The following SLC17A8 variants were observed in gnomAD, a reference collection of about 807,000 sequenced individuals.
SLC17A8 encodes solute carrier family 17 member 8.
Under a neutral mutation model 58.0 loss-of-function variants are expected in SLC17A8, and 31 were observed. The ratio of observed to expected loss-of-function variants is 0.53; its 90% CI spans 0.40 to 0.72. SLC17A8 has a LOEUF of 0.72. Ranked by LOEUF, SLC17A8 falls within the 30% of genes least tolerant of loss-of-function variation. The probability of loss-of-function intolerance (pLI) is 0.00; values close to 1 mark genes in which losing one functional copy is unlikely to be tolerated. For missense variants in SLC17A8, 655 were observed against 727.8 expected (o/e 0.90, Z 1.15); for synonymous variants, 228 against 249.0 (o/e 0.92, Z 0.79).
At chr12:100,400,245 C>A (rs1566399641) in intron 5 of SLC17A8, among the ~76,000 whole-genome samples, 1 of 152,140 alleles carries the variant, frequency 6.6e-6, no homozygotes, top group Non-Finnish European at 1.5e-5. Context: ...CCACGCACAG[C>A]AGAATGAGAC....
At chr12:100,408,981 AATT>A (rs1242799202) in intron 9 of SLC17A8, among the ~76,000 whole-genome samples, 1 of 152,192 alleles carries the variant, frequency 6.6e-6, no homozygotes, top group African/African-American at 2.4e-5. Context: ...CATTTAAAAC[AATT>A]ATTAGTTCTT....
chr12:100,373,529 T>C (rs978807938), intron 1 of SLC17A8, among the ~76,000 whole-genome samples: 16 of 150,852 alleles, frequency 1.1e-4, no homozygotes, highest in Admixed American at 2.0e-4. Context: ...TTGGAAATGG[T>C]CCTGGGATCA....
chr12:100,418,211 A>G, intron 11 of SLC17A8, 55 bp downstream of exon 11: 1 of 1,611,436 alleles, frequency 6.2e-7, no homozygotes, highest in Non-Finnish European at 8.5e-7. Context: ...GGAGCTCTAC[A>G]CAAACTTGAG....
intron 1 of SLC17A8, among the ~76,000 whole-genome samples, chr12:100,376,921 T>G (rs143785905): frequency 0.01 from 1,537 of 152,262 alleles, 27 homozygotes; most frequent in African/African-American, 0.035. Context: ...GTGATTCTCA[T>G]GCCTCAGCCT....
At chr12:100,373,475 C>T (rs1321399113) in intron 1 of SLC17A8, among the ~76,000 whole-genome samples, 2 of 151,568 alleles carry the variant, frequency 1.3e-5, no homozygotes, top group Non-Finnish European at 1.5e-5. Flanking sequence ...GACAAGGATT[C>T]ATTGCTTCCA....
chr12:100,402,418 A>G lies in SLC17A8; in HGVS notation c.842A>G (p.Asn281Ser), dbSNP rs1952797971. The G allele has an allele frequency of 6.2e-7, 1 of 1,614,168 alleles. No individual in the cohort carries two copies. The highest frequency in any genetic ancestry group is 1.7e-5 in the Admixed American group (1 of 60,022). ...ECPAAHPTIS[N>S]EEKTYIETSI... ...CCAGCAGCTCATCCAACAATATCCA[A>G]TGAGGAGAAGACCTATATAGAGACA... is the stretch of plus-strand genomic sequence containing the variant. The change falls in exon 7 of 12, where the codon AAT (asparagine) becomes AGT (serine). Residue 281 changes from asparagine (N) to serine (S), a missense_variant. Asn to Ser is a conservative substitution (Grantham distance 46). Transcript: ENST00000323346.
intron 1 of SLC17A8, among the ~76,000 whole-genome samples, chr12:100,364,463 G>A (rs1035215206): frequency 3.3e-5 from 5 of 152,292 alleles, no homozygotes; most frequent in African/African-American, 1.2e-4. Context: ...GCTCAGTCCT[G>A]GTGAGTGGGA....
chr12:100,373,731 C>G (rs1196433089), intron 1 of SLC17A8, among the ~76,000 whole-genome samples: 1 of 151,926 alleles, frequency 6.6e-6, no homozygotes, highest in Non-Finnish European at 1.5e-5. Context: ...ATTACAGGTG[C>G]CAGCCACTAT....
chr12:100,418,277 C>A, intron 11 of SLC17A8, 121 bp downstream of exon 11: 1 of 1,218,192 alleles, frequency 8.2e-7, no homozygotes, highest in Non-Finnish European at 1.2e-6. Context: ...TTGACTGAGT[C>A]AGCTGAACTT....
At chr12:100,378,169 G>A (rs369826702) in intron 1 of SLC17A8, among the ~76,000 whole-genome samples, 11 of 152,144 alleles carry the variant, frequency 7.2e-5, no homozygotes, top group African/African-American at 2.7e-4. Flanking sequence ...AGGCATTCTA[G>A]TGTATATAGG....
Position 100,391,007 on chromosome 12 carries a change from C to A in SLC17A8, c.361C>A (p.Gln121Lys). ...VDGKPEIQTA[Q>K]FNWDPETVGL... ...TCTGATTTCTCATTTCCAGACAGCA[C>A]AGTTTAACTGGGATCCAGAAACAGT... Residue 121 changes from glutamine to lysine, a missense_variant, in exon 3 of 12, where the codon CAG becomes AAG. Physicochemically the swap from Gln to Lys is moderately conservative, Grantham distance 53. Coordinates refer to ENST00000323346, the MANE Select transcript of SLC17A8 (RefSeq NM_139319.3). 1 of 1,606,966 alleles carries A rather than the reference C, an allele frequency of 6.2e-7. No individual in the cohort carries two copies. The highest frequency in any genetic ancestry group is 8.5e-7 in the Non-Finnish European group (1 of 1,173,498).
intron 5 of SLC17A8, 55 bp downstream of exon 5, chr12:100,396,472 A>C: frequency 7.0e-7 from 1 of 1,420,894 alleles, no homozygotes; most frequent in South Asian, 1.2e-5. Flanking sequence ...TTTTGGGTTC[A>C]TGCAGTGGCT....
At chr12:100,418,717 T>C (rs1362526472) in intron 11 of SLC17A8, among the ~76,000 whole-genome samples, 2 of 152,260 alleles carry the variant, frequency 1.3e-5, no homozygotes, top group African/African-American at 4.8e-5. Flanking sequence ...TCTTTGTCAC[T>C]GAAACGTCTC....
chr12:100,357,445 G>A lies in SLC17A8; in HGVS notation c.54G>A (p.Lys18=), dbSNP rs11568528. 2,643 of 1,613,994 alleles carry A rather than the reference G, an allele frequency of 1.6e-3. 38 individuals are homozygous for A. The African/African-American group carries it at 0.031, about 19-fold the overall frequency. ...TFKEKILKPG[K]EGVKNAVGDS... ...AAGAAAAAATTCTGAAACCTGGGAA[G>A]GAAGGAGTGAAGAACGCCGTGGGAG... Residue 18 remains lysine, a synonymous_variant, in exon 1 of 12, where the codon AAG becomes AAA. Transcript: ENST00000323346.
intron 4 of SLC17A8, among the ~76,000 whole-genome samples, chr12:100,395,142 T>C (rs1198279727): frequency 6.6e-6 from 1 of 151,972 alleles, no homozygotes; most frequent in Non-Finnish European, 1.5e-5. Context: ...TAGTCTATGA[T>C]AATATGAAAT....
At chr12:100,380,384 T>C (rs1314839407) in intron 1 of SLC17A8, among the ~76,000 whole-genome samples, 1 of 151,912 alleles carries the variant, frequency 6.6e-6, no homozygotes, top group East Asian at 1.9e-4. Context: ...TCCTCATCTA[T>C]AAAATGACAT....
chr12:100,395,866 G>A (rs1952749947), intron 4 of SLC17A8, among the ~76,000 whole-genome samples: 2 of 152,208 alleles, frequency 1.3e-5, no homozygotes, highest in Admixed American at 6.5e-5. Flanking sequence ...ACCCACCTCG[G>A]CCTCTCAAAG....
At chr12:100,394,305 C>G (rs543434798) in intron 4 of SLC17A8, among the ~76,000 whole-genome samples, 1 of 151,434 alleles carries the variant, frequency 6.6e-6, no homozygotes, top group Non-Finnish European at 1.5e-5. Context: ...TCCCCTAGAT[C>G]GACTCATTTA....
At chr12:100,376,305 A>G (rs1952594246) in intron 1 of SLC17A8, among the ~76,000 whole-genome samples, 1 of 152,216 alleles carries the variant, frequency 6.6e-6, no homozygotes, top group African/African-American at 2.4e-5. Flanking sequence ...GAGCTAGCAC[A>G]AGGGAGAGAT....
Sources: gnomAD v4.1 joint callset for allele counts (sites outside exome capture counted in the v4.1 genomes callset) on GRCh38, gnomAD v4.1.1 for gene constraint, MANE v1.5 for transcripts, NCBI Gene and HGNC (gene_info 2026-07-23, HGNC 2026-07-21) for gene names.